CCDC12: variants seen among roughly 807,000 people sequenced by gnomAD.
CCDC12 encodes coiled-coil domain containing 12, also known as coiled-coil domain-containing protein 12.
CCDC12 carries 28 observed loss-of-function variants against 25.7 expected under a neutral mutation model. That is an observed-to-expected ratio of 1.09 (90% CI 0.81 to 1.50). The LOEUF is 1.50. CCDC12 is among the 40% of genes most tolerant of loss of function. The pLI is 0.00. For missense variants in CCDC12, 198 were observed against 210.0 expected (o/e 0.94, Z 0.35); for synonymous variants, 75 against 87.7 (o/e 0.86, Z 0.81).
intron 2 of CCDC12, among the ~76,000 whole-genome samples, chr3:46,928,395 C>T (rs952622590): frequency 1.3e-5 from 2 of 152,242 alleles, no homozygotes; most frequent in Non-Finnish European, 2.9e-5. Flanking sequence ...TGTCTATTTA[C>T]ATGCAGCAGC....
chr3:46,938,871 T>C (rs1403978604), intron 2 of CCDC12, among the ~76,000 whole-genome samples: 1 of 151,682 alleles, frequency 6.6e-6, no homozygotes, highest in African/African-American at 2.4e-5. Flanking sequence ...AAAAAAAAAA[T>C]CACACATCAT....
intron 1 of CCDC12, among the ~76,000 whole-genome samples, chr3:46,959,139 AT>A (rs1260378211): frequency 1.3e-5 from 2 of 152,146 alleles, no homozygotes; most frequent in Admixed American, 6.5e-5. Flanking sequence ...GAACTGGCAC[AT>A]TTTTTTGTGG....
intron 1 of CCDC12, among the ~76,000 whole-genome samples, chr3:46,952,973 T>C (rs1349299390): frequency 2.6e-5 from 4 of 152,148 alleles, no homozygotes; most frequent in Non-Finnish European, 4.4e-5. Flanking sequence ...CCCACTCCTG[T>C]CCCTACCTTT....
At chr3:46,945,183 G>A (rs1479521994) in intron 1 of CCDC12, among the ~76,000 whole-genome samples, 1 of 152,180 alleles carries the variant, frequency 6.6e-6, no homozygotes, top group East Asian at 1.9e-4. Flanking sequence ...TCAGCACGGG[G>A]CATCTCCTAG....
intron 2 of CCDC12, among the ~76,000 whole-genome samples, chr3:46,933,096 C>T (rs1032731286): frequency 1.3e-5 from 2 of 152,166 alleles, no homozygotes; most frequent in East Asian, 1.9e-4. Flanking sequence ...GGTGGCTGTG[C>T]CAGGGCTCTG....
At chr3:46,951,800 T>C (rs28403967) in intron 1 of CCDC12, among the ~76,000 whole-genome samples, 1 of 23,304 alleles carries the variant, frequency 4.3e-5, no homozygotes, top group African/African-American at 1.3e-4. Context: ...AAAAAAAAAA[T>C]ATATATATAT....
In CCDC12 at chr3:46,923,316, G is replaced by C. The variant is rs746074966; in HGVS notation, c.341+13C>G. 3 of 1,478,950 alleles carry C rather than the reference G, an allele frequency of 2.0e-6. No homozygotes were observed. Among genetic ancestry groups the C allele is most frequent in the East Asian group, 2.4e-5 (1 of 41,070 alleles). The allele number at this position is 1,478,950 out of a possible 1,614,324, so 91.6% of individuals were successfully genotyped here. A position where few individuals can be genotyped will look rare whatever the true frequency, so the allele number is the denominator to read the frequency against. ...GAGTCAGCCTGCACCCGCCACGCAC[G>C]GGCAACACTCACCAGTCAGGCTTCC... On this transcript the variant is annotated intron_variant, in intron 5 of 6. Coordinates refer to ENST00000683445, the MANE Select transcript of CCDC12 (RefSeq NM_001277074.2).
At chr3:46,971,288 A>G (rs1250585415) in intron 1 of CCDC12, among the ~76,000 whole-genome samples, 2 of 152,186 alleles carry the variant, frequency 1.3e-5, no homozygotes, top group East Asian at 1.9e-4. Flanking sequence ...CTGCGTGTCA[A>G]CGGGAACTGG....
rs1463460133 is a variant in CCDC12 at position 46,941,012 on chromosome 3, T to G, written c.150A>C (p.Glu50Asp). 2.5e-6 allele frequency: 4 copies of G among 1,614,044 alleles called. No homozygotes were observed. In the African/African-American group the frequency reaches 4.0e-5, roughly 16 times the overall value. ...ACGGGCATTACCTGTGCTTCTCGCC[T>G]TCTTCCTCCTCTTCTCTGAGATGCT... ...KTKHLREEEE[E>D]GEKHRELRLR... Residue 50 changes from glutamate to aspartate, a missense_variant, in exon 2 of 7, where the codon GAA (glutamate) becomes GAC (aspartate). By Grantham distance (45) the Glu-to-Asp change is conservative. Coordinates refer to ENST00000683445, the MANE Select transcript of CCDC12 (RefSeq NM_001277074.2).
intron 2 of CCDC12, among the ~76,000 whole-genome samples, chr3:46,936,472 G>GCT (rs1295346847): frequency 3.9e-5 from 6 of 152,204 alleles, no homozygotes; most frequent in African/African-American, 1.4e-4. Flanking sequence ...TATGGCATTT[G>GCT]CTCTGTTCGT....
chr3:46,946,539 T>A (rs997560525), intron 1 of CCDC12, among the ~76,000 whole-genome samples: 15 of 152,232 alleles, frequency 9.9e-5, no homozygotes, highest in Admixed American at 6.5e-4. Context: ...CAGGCCCACA[T>A]GGCTGGCCCA....
In CCDC12 at chr3:46,972,087, G is replaced by A. The variant is rs201443483; in HGVS notation, c.96+4550C>T. On this transcript the variant is annotated intron_variant, in intron 1 of 6. Transcript: ENST00000683445. ...TAAAAAAAATCACTCAAGAACTATA[G>A]GGATTAAATATGACACTAAAAATAC... is the stretch of plus-strand genomic sequence containing the variant. Among the ~76,000 whole-genome samples the A allele has an allele frequency of 5.3e-5, 8 of 152,194 alleles. No individual in the cohort carries two copies. The East Asian group carries it at 1.4e-3, about 26-fold the overall frequency.
chr3:46,973,815 T>G (rs146392938), intron 1 of CCDC12, among the ~76,000 whole-genome samples: 1 of 152,068 alleles, frequency 6.6e-6, no homozygotes, highest in Non-Finnish European at 1.5e-5. Flanking sequence ...GTTTTCACTG[T>G]GTTAGCCAGA....
At chr3:46,940,376 C>A (rs949988994) in intron 2 of CCDC12, among the ~76,000 whole-genome samples, 49 of 152,164 alleles carry the variant, frequency 3.2e-4, no homozygotes, top group African/African-American at 1.1e-3. Context: ...TGGACCCAAC[C>A]AGATGAGAGT....
rs1372035775 is a variant in CCDC12 at position 46,922,045 on chromosome 3, G to A, written c.*12C>T. On this transcript the variant is annotated 3_prime_UTR_variant, in exon 7 of 7. Coordinates refer to ENST00000683445, the MANE Select transcript of CCDC12 (RefSeq NM_001277074.2). ...ACAGGCCTGATGGGCGAGTGGTGGGGCAGGGCATGCCTCAGTCGGAGTCAC... is the reference window on the plus strand; with the variant it reads ...ACAGGCCTGATGGGCGAGTGGTGGGACAGGGCATGCCTCAGTCGGAGTCAC... 2.5e-6 allele frequency: 4 copies of A among 1,613,218 alleles called. No individual in the cohort carries two copies. The highest frequency in any genetic ancestry group is 4.5e-5 in the East Asian group (2 of 44,898).
At chr3:46,973,844 C>T (rs1422812471) in intron 1 of CCDC12, among the ~76,000 whole-genome samples, 3 of 152,094 alleles carry the variant, frequency 2.0e-5, no homozygotes, top group Non-Finnish European at 4.4e-5. Flanking sequence ...GATCTCCTGA[C>T]TTCGTGATCT....
chr3:46,975,894 G>A (rs1184191059), intron 1 of CCDC12: 2 of 146,478 alleles, frequency 1.4e-5, no homozygotes, highest in Admixed American at 6.9e-5. Context: ...TGCCCAGGCT[G>A]GAGTACAGTG....
intron 1 of CCDC12, among the ~76,000 whole-genome samples, chr3:46,946,832 G>C (rs1284926207): frequency 6.6e-6 from 1 of 152,210 alleles, no homozygotes; most frequent in Non-Finnish European, 1.5e-5. Context: ...CGAAGCAGGA[G>C]GACTTGAGTT....
At chr3:46,977,047 G>C (rs1328585374), upstream of CCDC12, 6 of 427,570 alleles carry the variant, frequency 1.4e-5, no homozygotes, top group African/African-American at 2.0e-5. Context: ...AGACCTGAGA[G>C]AAGGAGAAAA....
Sources: gnomAD v4.1 joint callset for allele counts (sites outside exome capture counted in the v4.1 genomes callset) on GRCh38, gnomAD v4.1.1 for gene constraint, MANE v1.5 for transcripts, NCBI Gene and HGNC (gene_info 2026-07-23, HGNC 2026-07-21) for gene names.